Variants in CTNNA2 observed in about 807,000 individuals in gnomAD.
CTNNA2 encodes the protein catenin alpha 2.
Under a neutral mutation model 101.0 loss-of-function variants are expected in CTNNA2, and 42 were observed. That is an observed-to-expected ratio of 0.42 (90% confidence interval 0.32 to 0.54). The LOEUF is 0.54. CTNNA2 is among the 20% of genes least tolerant of loss of function. The pLI is 0.14. For missense variants in CTNNA2, 871 were observed against 1,223.1 expected, an observed-to-expected ratio of 0.71 and a Z score of 4.29; for synonymous variants, 450 against 456.4, an observed-to-expected ratio of 0.99 and a Z score of 0.18.
chr2:80,646,313 G>T (rs1253215742), intron 18 of CTNNA2, among the ~76,000 whole-genome samples: 1 of 152,174 alleles, frequency 6.6e-6, no homozygotes, highest in Admixed American at 6.6e-5. Context: ...GAACATCTTT[G>T]CTTCCTTCAG....
intron 1 of CTNNA2, among the ~76,000 whole-genome samples, chr2:79,617,083 T>C (rs913153516): frequency 1.3e-5 from 2 of 152,178 alleles, no homozygotes; most frequent in Admixed American, 6.5e-5. Flanking sequence ...TTTGTATTTT[T>C]AGTAGAGACG....
intron 1 of CTNNA2, among the ~76,000 whole-genome samples, chr2:79,522,377 C>T (rs560521580): frequency 2.0e-5 from 3 of 152,226 alleles, no homozygotes; most frequent in East Asian, 1.9e-4. Context: ...TGGAGCCATA[C>T]GTGAGTAAGA....
At chr2:80,037,010 A>G (rs1695712140) in intron 7 of CTNNA2, among the ~76,000 whole-genome samples, 1 of 152,154 alleles carries the variant, frequency 6.6e-6, no homozygotes, top group Non-Finnish European at 1.5e-5. Context: ...CGTTGTAGAT[A>G]TTGGTGAAAC....
chr2:79,308,017 T>C (rs1392891636), intron 2 of CTNNA2, among the ~76,000 whole-genome samples: 1 of 152,180 alleles, frequency 6.6e-6, no homozygotes, highest in African/African-American at 2.4e-5. Context: ...ATGTCTTCTT[T>C]TGAGAAATGT....
intron 4 of CTNNA2, chr2:79,498,950 T>G (rs182966438): frequency 5.9e-5 from 9 of 152,342 alleles, no homozygotes; most frequent in Admixed American, 1.3e-4. Context: ...GAACGTTCAA[T>G]TTAAGCCAAT....
intron 3 of CTNNA2, among the ~76,000 whole-genome samples, chr2:79,835,686 T>TTTTTTGTTTGTTTG (rs1679301278): frequency 7.4e-6 from 1 of 134,882 alleles, no homozygotes; most frequent in African/African-American, 2.8e-5. Context: ...TTTTTTTTTT[T>TTTTTTGTTTGTTTG]TTTTTTTTTT....
At chr2:80,599,799 T>G (rs1380032813) in intron 15 of CTNNA2, among the ~76,000 whole-genome samples, 7 of 152,090 alleles carry the variant, frequency 4.6e-5, no homozygotes, top group African/African-American at 1.7e-4. Context: ...ATTTTTATAC[T>G]TTTTAGGGTA....
At chr2:80,076,717 G>C (rs1279666023) in intron 7 of CTNNA2, among the ~76,000 whole-genome samples, 1 of 151,862 alleles carries the variant, frequency 6.6e-6, no homozygotes, top group African/African-American at 2.4e-5. Context: ...TTATAACCAA[G>C]TAGACATTCT....
intron 7 of CTNNA2, among the ~76,000 whole-genome samples, chr2:80,313,966 G>C (rs899931923): frequency 6.6e-6 from 1 of 152,182 alleles, no homozygotes; most frequent in Non-Finnish European, 1.5e-5. Flanking sequence ...GATTTCAATA[G>C]ATGGATTGCT....
intron 7 of CTNNA2, among the ~76,000 whole-genome samples, chr2:80,315,916 T>C (rs1265918973): frequency 1.3e-5 from 2 of 152,182 alleles, no homozygotes; most frequent in Non-Finnish European, 2.9e-5. Flanking sequence ...TATGGCTTGT[T>C]AGAAATGCAG....
At chr2:80,291,476 A>G (rs1305702558) in intron 7 of CTNNA2, among the ~76,000 whole-genome samples, 1 of 152,234 alleles carries the variant, frequency 6.6e-6, no homozygotes, top group Non-Finnish European at 1.5e-5. Flanking sequence ...AGAAAGGGTC[A>G]ACCTCAGATG....
chr2:80,118,561 C>T (rs184204312), intron 7 of CTNNA2, among the ~76,000 whole-genome samples: 116 of 152,306 alleles, frequency 7.6e-4, no homozygotes, highest in African/African-American at 2.6e-3. Flanking sequence ...AAAATGCAAG[C>T]TGTGTGAAAT....
chr2:79,509,263 A>G (rs1359079040), upstream of CTNNA2, among the ~76,000 whole-genome samples: 1 of 152,000 alleles, frequency 6.6e-6, no homozygotes, highest in African/African-American at 2.4e-5. Context: ...TTGATACATA[A>G]TAAATATAGT....
rs185777639 is a variant in CTNNA2 at position 80,419,158 on chromosome 2, G to T, written c.1138-291G>T. On this transcript the variant is annotated intron_variant, in intron 8 of 18. Transcript: ENST00000402739. Reference sequence around the variant, plus strand: ...TGTCATGATTCAAAACATCCAGAAGGTTCGGGTCAATGAAGGATGAGAGAA... The same window carrying T: ...TGTCATGATTCAAAACATCCAGAAGTTTCGGGTCAATGAAGGATGAGAGAA... 8.7e-3 allele frequency among the ~76,000 whole-genome samples: 1,317 copies of T among 152,238 alleles called. 9 individuals carry two copies. Among genetic ancestry groups the T allele is most frequent in the Middle Eastern group, 0.02 (6 of 294 alleles).
chr2:79,232,043 T>G (rs1674499863), intron 2 of CTNNA2, among the ~76,000 whole-genome samples: 1 of 152,096 alleles, frequency 6.6e-6, no homozygotes, highest in Non-Finnish European at 1.5e-5. Context: ...GTTGGATGCC[T>G]TTTATTTCTT....
At chr2:79,637,553 G>A (rs2104398757) in intron 1 of CTNNA2, among the ~76,000 whole-genome samples, 2 of 152,218 alleles carry the variant, frequency 1.3e-5, no homozygotes, top group Middle Eastern at 3.4e-3. Flanking sequence ...TCCATTATCT[G>A]TTCACTTTTA....
At chr2:80,019,885 T>C (rs1694430871) in intron 7 of CTNNA2, among the ~76,000 whole-genome samples, 1 of 152,234 alleles carries the variant, frequency 6.6e-6, no homozygotes, top group Non-Finnish European at 1.5e-5. Context: ...GGAGTAACTA[T>C]AGTCTCTGTA....
chr2:80,459,428 A>G (rs944716515), intron 9 of CTNNA2, among the ~76,000 whole-genome samples: 2 of 152,216 alleles, frequency 1.3e-5, no homozygotes, highest in South Asian at 2.1e-4. Flanking sequence ...AGATATTCAT[A>G]TCTGAAATAA....
chr2:79,666,448 T>C (rs943756831), intron 2 of CTNNA2, among the ~76,000 whole-genome samples: 8 of 152,214 alleles, frequency 5.3e-5, no homozygotes, highest in Non-Finnish European at 4.4e-5. Context: ...CTCTTTTTAG[T>C]ATTTTCATGT....
Sources: allele counts gnomAD v4.1 joint callset (sites outside exome capture counted in the v4.1 genomes callset), GRCh38; gene constraint gnomAD v4.1.1; transcripts MANE v1.5; gene names NCBI Gene and HGNC (gene_info 2026-07-23, HGNC 2026-07-21).